LRRC7: variants seen among roughly 807,000 people sequenced by gnomAD.
LRRC7 encodes leucine-rich repeat-containing protein 7.
In LRRC7, 23 loss-of-function variants were observed where a neutral mutation model predicts 175.7. The ratio of observed to expected loss-of-function variants is 0.13; its 90% CI spans 0.09 to 0.19. The LOEUF (loss-of-function observed/expected upper bound fraction) is 0.19. LRRC7 is among the 10% of genes least tolerant of loss of function. The pLI is 1.00. For missense variants in LRRC7, 1,354 were observed against 1,904.7 expected (o/e 0.71, Z 5.38); for synonymous variants, 685 against 680.9 (o/e 1.01, Z -0.09).
intron 5 of LRRC7, among the ~76,000 whole-genome samples, chr1:69,828,593 A>G (rs1680189974): frequency 6.6e-6 from 1 of 152,150 alleles, no homozygotes; most frequent in African/African-American, 2.4e-5. Context: ...AAATAATGAT[A>G]TAAGTTTGCA....
intron 7 of LRRC7, among the ~76,000 whole-genome samples, chr1:69,890,915 A>G (rs150581051): frequency 1.4e-4 from 21 of 152,342 alleles, no homozygotes; most frequent in Admixed American, 1.4e-3. Context: ...AGTATTGAAG[A>G]GAGTTAGGGT....
intron 7 of LRRC7, among the ~76,000 whole-genome samples, chr1:69,885,568 CT>C (rs1219850308): frequency 8.1e-6 from 1 of 123,592 alleles, no homozygotes; most frequent in African/African-American, 3.3e-5. Flanking sequence ...AAAAAACCAG[CT>C]CCTGGATTCA....
At position 70,011,671 on chromosome 1, in the gene LRRC7, T is replaced by C. The variant is rs552784020; in HGVS notation, c.1005-126T>C. 61 of 593,420 alleles carry C rather than the reference T, an allele frequency of 1.0e-4. No homozygotes were observed. In the East Asian group the frequency reaches 1.4e-3, roughly 13 times the overall value. The allele number at this position is 593,420 out of a possible 1,614,324, so 36.8% of individuals were successfully genotyped here. A position where few individuals can be genotyped will look rare whatever the true frequency, so the allele number is the denominator to read the frequency against. ...GTATTAAATCATTTGAACTGGTAAA[T>C]TATATAATATTATGTTGTTACCGCA... is the stretch of plus-strand genomic sequence containing the variant. On this transcript the variant is annotated intron_variant, in intron 11 of 26. Transcript: ENST00000651989.
intron 4 of LRRC7, among the ~76,000 whole-genome samples, chr1:69,816,525 A>G (rs1678619524): frequency 6.6e-6 from 1 of 152,100 alleles, no homozygotes; most frequent in Admixed American, 6.6e-5. Flanking sequence ...TCTTATCTCT[A>G]TATTTTAGTG....
chr1:69,910,289 G>C (rs569072398), intron 7 of LRRC7, among the ~76,000 whole-genome samples: 14 of 152,170 alleles, frequency 9.2e-5, no homozygotes, highest in South Asian at 2.1e-4. Flanking sequence ...CAGTTTTTCT[G>C]CTCTGTTTTT....
At chr1:69,677,424 T>C (rs888689041) in intron 1 of LRRC7, among the ~76,000 whole-genome samples, 1 of 151,820 alleles carries the variant, frequency 6.6e-6, no homozygotes, top group Admixed American at 6.6e-5. Context: ...TCTTTTCCTT[T>C]GGGTAATCAG....
At chr1:69,848,039 C>A (rs527871465) in intron 7 of LRRC7, among the ~76,000 whole-genome samples, 1 of 152,130 alleles carries the variant, frequency 6.6e-6, no homozygotes, top group East Asian at 1.9e-4. Flanking sequence ...TGAGACATTC[C>A]CTTTTTCTGT....
chr1:69,983,742 C>A (rs1653662193), intron 9 of LRRC7, among the ~76,000 whole-genome samples: 1 of 152,192 alleles, frequency 6.6e-6, no homozygotes, highest in Non-Finnish European at 1.5e-5. Flanking sequence ...TCTTTGTCTA[C>A]CCAATCCTGC....
chr1:69,682,099 TTGG>T (rs1167026197), intron 2 of LRRC7, among the ~76,000 whole-genome samples: 1 of 152,110 alleles, frequency 6.6e-6, no homozygotes, highest in Non-Finnish European at 1.5e-5. Flanking sequence ...CAGCTTTTTG[TTGG>T]CTGCCAGCTG....
chr1:69,872,987 A>AT (rs775687855), intron 7 of LRRC7, among the ~76,000 whole-genome samples: 73 of 152,146 alleles, frequency 4.8e-4, no homozygotes, highest in Non-Finnish European at 9.0e-4. Context: ...AAATTTTGTC[A>AT]TTTTCAGAGA....
At chr1:69,888,317 A>G (rs1277729729) in intron 7 of LRRC7, among the ~76,000 whole-genome samples, 2 of 152,056 alleles carry the variant, frequency 1.3e-5, no homozygotes, top group Admixed American at 6.6e-5. Flanking sequence ...ATATAATCTC[A>G]TGGTGCGCCG....
rs113530514 is a variant in LRRC7 at position 69,916,695 on chromosome 1, T to G, written c.648-14812T>G. Among the ~76,000 whole-genome samples the G allele has an allele frequency of 2.6e-5, 4 of 152,246 alleles. 1 individual carries two copies. Among genetic ancestry groups the G allele is most frequent in the African/African-American group, 9.6e-5 (4 of 41,562 alleles). ...ATTCCAGCTTCTTACTGGTAAAGAA[T>G]CATTCATTCATGCCTGTGTAAATGT... On this transcript the variant is annotated intron_variant, in intron 7 of 26. Transcript: ENST00000651989.
chr1:69,967,769 G>A (rs1395149084), intron 8 of LRRC7, among the ~76,000 whole-genome samples: 2 of 152,088 alleles, frequency 1.3e-5, no homozygotes, highest in Admixed American at 6.5e-5. Flanking sequence ...ACTACATCAA[G>A]GAAACACCCA....
intron 7 of LRRC7, among the ~76,000 whole-genome samples, chr1:69,844,294 G>A (rs943476855): frequency 2.6e-5 from 4 of 152,082 alleles, no homozygotes; most frequent in African/African-American, 9.7e-5. Context: ...GACAGCAGAT[G>A]TCTGCAACTT....
chr1:70,011,208 C>G (rs1656474038), intron 11 of LRRC7, among the ~76,000 whole-genome samples: 3 of 152,140 alleles, frequency 2.0e-5, no homozygotes, highest in African/African-American at 7.2e-5. Context: ...GCATTTAATT[C>G]CCAGAGTTGT....
At chr1:69,838,190 C>T in intron 6 of LRRC7, 37 bp from the exon 7 acceptor site, 1 of 1,487,526 alleles carries the variant, frequency 6.7e-7, no homozygotes, top group Non-Finnish European at 9.4e-7. Context: ...TTTAGACAGA[C>T]ATACTAAGAG....
chr1:70,056,955 A>G (rs1455425086), intron 23 of LRRC7, among the ~76,000 whole-genome samples: 2 of 152,184 alleles, frequency 1.3e-5, no homozygotes, highest in African/African-American at 4.8e-5. Flanking sequence ...ATTTAGCAAC[A>G]AGGAGGTCAT....
rs1323861570 is a variant in LRRC7, at chr1:70,134,585, A to G, written c.*12698A>G. ...GGGAAGACAAGGTGTTCTTTCCCAA[A>G]GTTTATGTGAAGCCATTTATATCCT... On this transcript the variant is annotated 3_prime_UTR_variant, in exon 27 of 27. Coordinates refer to ENST00000651989, the MANE Select transcript of LRRC7 (RefSeq NM_001370785.2). Among the ~76,000 whole-genome samples, 1 of 152,166 alleles carries G rather than the reference A, an allele frequency of 6.6e-6. No individual in the cohort carries two copies. Among genetic ancestry groups the G allele is most frequent in the East Asian group, 1.9e-4 (1 of 5,206 alleles).
intron 15 of LRRC7, among the ~76,000 whole-genome samples, chr1:70,019,399 A>C (rs1160977949): frequency 6.6e-6 from 1 of 152,048 alleles, no homozygotes; most frequent in Non-Finnish European, 1.5e-5. Flanking sequence ...TCATTTAAAA[A>C]GGTTAAAAGA....
Sources: gnomAD v4.1 joint callset for allele counts (sites outside exome capture counted in the v4.1 genomes callset) on GRCh38, gnomAD v4.1.1 for gene constraint, MANE v1.5 for transcripts, NCBI Gene and HGNC (gene_info 2026-07-23, HGNC 2026-07-21) for gene names.